CHMP4B: variants seen among roughly 807,000 people sequenced by gnomAD.
CHMP4B encodes the protein charged multivesicular body protein 4B, also known as SNF7 homolog associated with Alix 1.
Under a neutral mutation model 25.1 loss-of-function variants are expected in CHMP4B, and 1 was observed. That is an observed-to-expected ratio of 0.04 (90% CI 0.01 to 0.19). The LOEUF is 0.19. CHMP4B is among the 10% of genes least tolerant of loss of function. CHMP4B has a pLI of 1.00. For synonymous variants in CHMP4B, 101 were observed against 115.6 expected, an observed-to-expected ratio of 0.87 and a Z score of 0.81; for missense variants, 151 against 289.7, an observed-to-expected ratio of 0.52 and a Z score of 3.48.
chr20:33,816,598 A>G lies in CHMP4B; in HGVS notation c.190+4940A>G, dbSNP rs141113433. Among the ~76,000 whole-genome samples, 1,135 of 152,224 alleles carry G rather than the reference A, an allele frequency of 7.5e-3. 13 individuals are homozygous for G. Among genetic ancestry groups the G allele is most frequent in the African/African-American group, 0.026 (1,082 of 41,518 alleles). On this transcript the variant is annotated intron_variant, in intron 1 of 4. Coordinates refer to ENST00000217402, the MANE Select transcript of CHMP4B (RefSeq NM_176812.5). Reference sequence around the variant, plus strand: ...CATACTTTTCTGGAGAACATGTGGGAAAAAAAAGAAAAGAAAAAAATGGAA... The same window carrying G: ...CATACTTTTCTGGAGAACATGTGGGGAAAAAAAGAAAAGAAAAAAATGGAA...
chr20:33,852,498 G>A lies in CHMP4B; in HGVS notation c.610+295G>A, dbSNP rs908904726. ...ATGGAGGGTGGGGGCGGGGTTGTCCGGTGCACTGTGGATGTTCAGCACCAT... is the reference window on the plus strand; with the variant it reads ...ATGGAGGGTGGGGGCGGGGTTGTCCAGTGCACTGTGGATGTTCAGCACCAT... On this transcript the variant is annotated intron_variant, in intron 4 of 4. Transcript: ENST00000217402. Among the ~76,000 whole-genome samples the A allele has an allele frequency of 1.6e-4, 25 of 151,788 alleles. 1 individual carries two copies. Among genetic ancestry groups the A allele is most frequent in the African/African-American group, 5.8e-4 (24 of 41,260 alleles).
At chr20:33,813,405 TA>T (rs1978694223) in intron 1 of CHMP4B, among the ~76,000 whole-genome samples, 1 of 152,020 alleles carries the variant, frequency 6.6e-6, no homozygotes, top group African/African-American at 2.4e-5. Context: ...ACAGAGTTTT[TA>T]AAACATCATC....
At chr20:33,837,021 A>G (rs1979409500) in intron 1 of CHMP4B, among the ~76,000 whole-genome samples, 1 of 152,174 alleles carries the variant, frequency 6.6e-6, no homozygotes, top group Non-Finnish European at 1.5e-5. Flanking sequence ...CCGGGCCTCA[A>G]ATCTCTTCAT....
Position 33,851,116 on chromosome 20 carries a change from G to C in CHMP4B, c.483+50G>C, listed in dbSNP as rs775497905. On this transcript the variant is annotated intron_variant, in intron 3 of 4. Transcript: ENST00000217402. ...TAAGCTTCACAAATGATACCCTGAG[G>C]CTGTCCCTTGATGTGCTCTTGAAGG... 2.6e-6 allele frequency: 3 copies of C among 1,170,108 alleles called. No individual in the cohort carries two copies. The East Asian group carries it at 7.0e-5, about 27-fold the overall frequency. 72.5% of individuals were successfully genotyped at this position (1,170,108 alleles called of 1,614,324 possible).
chr20:33,835,874 C>T (rs746009894), intron 1 of CHMP4B, among the ~76,000 whole-genome samples: 1 of 152,178 alleles, frequency 6.6e-6, no homozygotes, highest in Non-Finnish European at 1.5e-5. Flanking sequence ...AGGTGCCAGG[C>T]TCTTTTTAAC....
At chr20:33,817,064 TGGTTCTCTGGAATCAAGATCTCA>T (rs1164675968) in intron 1 of CHMP4B, among the ~76,000 whole-genome samples, 2 of 152,252 alleles carry the variant, frequency 1.3e-5, no homozygotes, top group African/African-American at 4.8e-5. Flanking sequence ...CGTGGCTCTT[TGGTTCTCTGGAATCAAGATCTCA>T]GGTTGAAAAG....
At position 33,854,023 on chromosome 20, in the gene CHMP4B, C is replaced by T. The variant is rs906680974; in HGVS notation, c.*463C>T. ...TCAAAAGCCATAGGCTTTTCCTTGC[C>T]CTTAGCTGTAATAATGCATCTGATT... On this transcript the variant is annotated 3_prime_UTR_variant, in exon 5 of 5. Coordinates refer to ENST00000217402, the MANE Select transcript of CHMP4B (RefSeq NM_176812.5). The T allele has an allele frequency of 1.7e-5, 4 of 229,516 alleles. No homozygotes were observed. The highest frequency in any genetic ancestry group is 9.1e-5 in the African/African-American group (4 of 43,918). The allele number at this position is 229,516 out of a possible 1,614,324, so 14.2% of individuals were successfully genotyped here.
chr20:33,840,259 G>T (rs190589634), intron 1 of CHMP4B, among the ~76,000 whole-genome samples: 1 of 150,548 alleles, frequency 6.6e-6, no homozygotes, highest in Admixed American at 6.6e-5. Context: ...AAAAAAAAAG[G>T]GGGGGGACAG....
At chr20:33,853,018 C>A (rs1471351620) in intron 4 of CHMP4B, among the ~76,000 whole-genome samples, 1 of 152,196 alleles carries the variant, frequency 6.6e-6, no homozygotes, top group Non-Finnish European at 1.5e-5. Flanking sequence ...CCTCCCTCTC[C>A]CATGTATAAA....
intron 1 of CHMP4B, among the ~76,000 whole-genome samples, chr20:33,834,514 C>T (rs186052211): frequency 8.1e-4 from 124 of 152,216 alleles, no homozygotes; most frequent in African/African-American, 2.8e-3. Context: ...GGTCTTGCCA[C>T]GTTGCTCAGT....
At chr20:33,844,924 A>G (rs1161691362) in intron 1 of CHMP4B, among the ~76,000 whole-genome samples, 1 of 151,926 alleles carries the variant, frequency 6.6e-6, no homozygotes, top group African/African-American at 2.4e-5. Context: ...ACACCCGGCT[A>G]ATTTTTTTGT....
chr20:33,827,930 A>G (rs1979138005), intron 1 of CHMP4B, among the ~76,000 whole-genome samples: 1 of 152,188 alleles, frequency 6.6e-6, no homozygotes, highest in African/African-American at 2.4e-5. Flanking sequence ...GCTTTTTAGG[A>G]TGGCGATCGA....
At chr20:33,815,305 A>G (rs190696939) in intron 1 of CHMP4B, among the ~76,000 whole-genome samples, 132 of 152,344 alleles carry the variant, frequency 8.7e-4, no homozygotes, top group Admixed American at 7.1e-3. Flanking sequence ...GAGACTTGCA[A>G]TTCTTCAGGT....
chr20:33,830,269 T>C (rs1391356119), intron 1 of CHMP4B, among the ~76,000 whole-genome samples: 1 of 152,096 alleles, frequency 6.6e-6, no homozygotes, highest in East Asian at 1.9e-4. Context: ...CTGTTGATCA[T>C]CTCAGGGGAG....
intron 1 of CHMP4B, among the ~76,000 whole-genome samples, chr20:33,815,544 T>C (rs1978759933): frequency 6.6e-6 from 1 of 152,158 alleles, no homozygotes; most frequent in African/African-American, 2.4e-5. Context: ...AAGGAGCGTG[T>C]ACTTGATAAT....
At chr20:33,827,550 C>T (rs1001221447) in intron 1 of CHMP4B, among the ~76,000 whole-genome samples, 1 of 152,192 alleles carries the variant, frequency 6.6e-6, no homozygotes, top group South Asian at 2.1e-4. Flanking sequence ...GAGGCCAGAA[C>T]TGAATAATGG....
At chr20:33,839,343 T>C (rs1028579256) in intron 1 of CHMP4B, among the ~76,000 whole-genome samples, 3 of 152,098 alleles carry the variant, frequency 2.0e-5, no homozygotes, top group Non-Finnish European at 2.9e-5. Flanking sequence ...GGCACAAAGA[T>C]GGAGGTTCCA....
chr20:33,853,816 T>G lies in CHMP4B; in HGVS notation c.*256T>G, dbSNP rs1363516447. On this transcript the variant is annotated 3_prime_UTR_variant, in exon 5 of 5. Coordinates refer to ENST00000217402, the MANE Select transcript of CHMP4B (RefSeq NM_176812.5). The stretch of plus-strand genomic sequence containing the variant: ...AATGTTGAATTTCTGTAAAATAAAC[T>G]GTATTTGCAAATCCAACATTGAGCT... 1 of 524,348 alleles carries G rather than the reference T, an allele frequency of 1.9e-6. No individual in the cohort carries two copies. Among genetic ancestry groups the G allele is most frequent in the Non-Finnish European group, 3.5e-6 (1 of 288,652 alleles). 32.5% of individuals were successfully genotyped at this position (524,348 alleles called of 1,614,324 possible). A position where few individuals can be genotyped will look rare whatever the true frequency, so the allele number is the denominator to read the frequency against.
At chr20:33,850,676 C>T (rs1193703965) in intron 2 of CHMP4B, among the ~76,000 whole-genome samples, 1 of 152,200 alleles carries the variant, frequency 6.6e-6, no homozygotes, top group Non-Finnish European at 1.5e-5. Flanking sequence ...TAATGTGATA[C>T]CTTTACTAAT....
Sources: allele counts gnomAD v4.1 joint callset (sites outside exome capture counted in the v4.1 genomes callset), GRCh38; gene constraint gnomAD v4.1.1; transcripts MANE v1.5; gene names NCBI Gene and HGNC (gene_info 2026-07-23, HGNC 2026-07-21).